The following ZNF600 variants were observed in gnomAD, a reference collection of about 807,000 sequenced individuals.
ZNF600 encodes zinc finger protein KR-ZNF1.
In ZNF600, 4 loss-of-function variants were observed where a neutral mutation model predicts 7.3. That is an observed-to-expected ratio of 0.55 (90% CI 0.27 to 1.25). The LOEUF (loss-of-function observed/expected upper bound fraction) is 1.25, where lower values mean the gene tolerates loss of function less well. Among genes scored for constraint, ZNF600 ranks in the 50% most tolerant of loss-of-function variants. The pLI, the probability that ZNF600 is intolerant of heterozygous loss-of-function variation, is 0.12. For missense variants in ZNF600, 911 were observed against 922.1 expected (o/e 0.99, Z 0.16); for synonymous variants, 290 against 308.9 (o/e 0.94, Z 0.64).
the ZNF600 span, among the ~76,000 whole-genome samples, chr19:52,826,030 T>C: frequency 2.6e-5 from 4 of 152,146 alleles, no homozygotes; most frequent in Non-Finnish European, 4.4e-5. Context: ...TACATTTCTG[T>C]AGGACTTACG....
At chr19:52,815,550 C>A in the ZNF600 span, among the ~76,000 whole-genome samples, 9,251 of 145,632 alleles carry the variant, frequency 0.064, 1,316 homozygotes, top group African/African-American at 0.13. Context: ...ACTGTCTGGG[C>A]GTGGTGGCTC....
exon 4 of ZNF600, chr19:52,765,040 C>G (rs796135758): frequency 6.7e-6 from 2 of 297,008 alleles, no homozygotes; most frequent in South Asian, 6.5e-5. Context: ...CTGGCCCAAT[C>G]CTCTTAACAT....
At chr19:52,808,230 T>G in the ZNF600 span, 1 of 1,550,156 alleles carries the variant, frequency 6.5e-7, no homozygotes, top group Admixed American at 2.1e-5. Flanking sequence ...TTAGTTGTAG[T>G]GAATGTTCTC....
At chr19:52,816,838 A>AATAATG in the ZNF600 span, among the ~76,000 whole-genome samples, 1 of 135,438 alleles carries the variant, frequency 7.4e-6, no homozygotes, top group South Asian at 2.3e-4. Flanking sequence ...TTCAGAAAAT[A>AATAATG]ATAATAATAA....
the ZNF600 span, chr19:52,799,850 A>T: frequency 2.5e-6 from 4 of 1,613,972 alleles, no homozygotes; most frequent in African/African-American, 5.3e-5. Flanking sequence ...CACATTCATT[A>T]CACTTGTAAG....
At chr19:52,809,659 A>T in the ZNF600 span, among the ~76,000 whole-genome samples, 1 of 152,166 alleles carries the variant, frequency 6.6e-6, no homozygotes, top group Non-Finnish European at 1.5e-5. Context: ...TACAAAAAAT[A>T]GCCAGACGTG....
At chr19:52,828,575 C>T in the ZNF600 span, among the ~76,000 whole-genome samples, 7 of 152,072 alleles carry the variant, frequency 4.6e-5, no homozygotes, top group African/African-American at 7.2e-5. Context: ...ATACGCATTT[C>T]CCTTAGTTAT....
At chr19:52,772,071 T>G (rs1363335312) in intron 3 of ZNF600, among the ~76,000 whole-genome samples, 1 of 152,210 alleles carries the variant, frequency 6.6e-6, no homozygotes, top group Non-Finnish European at 1.5e-5. Flanking sequence ...TTCACTTGTT[T>G]TAAAAAGCAG....
the ZNF600 span, among the ~76,000 whole-genome samples, chr19:52,831,099 T>C: frequency 6.6e-6 from 1 of 152,152 alleles, no homozygotes; most frequent in South Asian, 2.1e-4. Context: ...GTTTCAAGCA[T>C]ATACTCAACA....
At chr19:52,821,126 A>G in the ZNF600 span, among the ~76,000 whole-genome samples, 1 of 151,558 alleles carries the variant, frequency 6.6e-6, no homozygotes, top group East Asian at 2.0e-4. Context: ...CAAGAGGAGG[A>G]GGGAGGTGGG....
the ZNF600 span, among the ~76,000 whole-genome samples, chr19:52,793,764 CCACACACACACACACACACA>C: frequency 3.2e-4 from 44 of 138,832 alleles, no homozygotes; most frequent in African/African-American, 6.5e-4. Context: ...CCAAACTCTG[CCACACACACACACACACACA>C]CACACACACA....
chr19:52,773,052 C>T (rs745807391), intron 3 of ZNF600, among the ~76,000 whole-genome samples: 6 of 151,972 alleles, frequency 3.9e-5, no homozygotes, highest in Middle Eastern at 3.4e-3. Flanking sequence ...GAGGGGCTCA[C>T]GGGGAAATTG....
the ZNF600 span, among the ~76,000 whole-genome samples, chr19:52,823,572 G>C: frequency 6.6e-6 from 1 of 152,116 alleles, no homozygotes; most frequent in Non-Finnish European, 1.5e-5. Flanking sequence ...GCATGACCAC[G>C]TTCCTCTCAA....
the ZNF600 span, chr19:52,800,067 T>G: frequency 4.6e-5 from 74 of 1,613,922 alleles, no homozygotes; most frequent in Non-Finnish European, 4.2e-6. Context: ...TTGTGCCAGG[T>G]GTGAATCCCT....
chr19:52,803,179 T>A, the ZNF600 span, among the ~76,000 whole-genome samples: 73 of 152,322 alleles, frequency 4.8e-4, no homozygotes, highest in African/African-American at 1.8e-3. Context: ...TTGGGGTTCA[T>A]GTGAGTCTCT....
At chr19:52,814,409 G>C in the ZNF600 span, 1 of 146,042 alleles carries the variant, frequency 6.8e-6, no homozygotes, top group African/African-American at 2.7e-5. Flanking sequence ...TGGCCAAAAT[G>C]GTGAAACACC....
chr19:52,821,613 A>G, the ZNF600 span: 1 of 152,176 alleles, frequency 6.6e-6, no homozygotes, highest in Non-Finnish European at 1.5e-5. Context: ...CCGTCATTCC[A>G]CGGGATCCGC....
At chr19:52,810,606 C>T in the ZNF600 span, 26 of 1,505,858 alleles carry the variant, frequency 1.7e-5, 1 homozygote, top group South Asian at 2.8e-4. Context: ...CCACCAACTA[C>T]AGCAGTTCCT....
At chr19:52,803,370 G>C in the ZNF600 span, among the ~76,000 whole-genome samples, 2 of 152,178 alleles carry the variant, frequency 1.3e-5, no homozygotes, top group Non-Finnish European at 2.9e-5. Flanking sequence ...ATGAGCCACT[G>C]CACCCTGTGG....
Sources: gnomAD v4.1 joint callset for allele counts (sites outside exome capture counted in the v4.1 genomes callset) on GRCh38, gnomAD v4.1.1 for gene constraint, MANE v1.5 for transcripts, NCBI Gene and HGNC (gene_info 2026-07-23, HGNC 2026-07-21) for gene names.